The following STXBP4 variants were observed in gnomAD, a reference collection of about 807,000 sequenced individuals.
STXBP4 encodes syntaxin-binding protein 4.
STXBP4 carries 55 observed loss-of-function variants against 76.1 expected under a neutral mutation model. The ratio of observed to expected loss-of-function variants is 0.72; its 90% CI spans 0.58 to 0.91. STXBP4 has a LOEUF of 0.91. Ranked by LOEUF, STXBP4 falls within the 40% of genes least tolerant of loss-of-function variation. The pLI is 0.00. For missense variants in STXBP4, 618 were observed against 636.9 expected, an observed-to-expected ratio of 0.97 and a Z score of 0.32; for synonymous variants, 201 against 220.2, an observed-to-expected ratio of 0.91 and a Z score of 0.77.
chr17:54,969,644 A>G (rs964092428), intron 1 of STXBP4, among the ~76,000 whole-genome samples: 2 of 152,236 alleles, frequency 1.3e-5, no homozygotes, highest in African/African-American at 2.4e-5. Context: ...CTGTATTTCT[A>G]CTTGCTACGT....
intron 1 of STXBP4, among the ~76,000 whole-genome samples, chr17:54,983,015 T>A (rs1397987862): frequency 6.6e-6 from 1 of 152,240 alleles, no homozygotes; most frequent in Non-Finnish European, 1.5e-5. Context: ...ACAAGCCACA[T>A]ACTTTCTGTA....
intron 13 of STXBP4, among the ~76,000 whole-genome samples, chr17:55,075,783 G>T (rs951830458): frequency 6.6e-6 from 1 of 152,088 alleles, no homozygotes; most frequent in African/African-American, 2.4e-5. Context: ...ACAGTGATGT[G>T]CTGGGACCAA....
intron 1 of STXBP4, among the ~76,000 whole-genome samples, chr17:54,969,661 T>G (rs2077357648): frequency 1.3e-5 from 2 of 152,212 alleles, no homozygotes; most frequent in South Asian, 4.1e-4. Flanking sequence ...ACGTGGCCAT[T>G]TCTAATGGCC....
rs753157954 is a variant in STXBP4 at position 55,007,495 on chromosome 17, T to C, written c.575-11T>C. On this transcript the variant is annotated splice_polypyrimidine_tract_variant and intron_variant, in intron 7 of 17. Transcript: ENST00000376352. ...AAGTTCCCAATTAATGTGCACCCTG[T>C]TGTCTCTTAGATGTTGCTTCTGCCT... The C allele has an allele frequency of 2.5e-6, 4 of 1,601,914 alleles. No homozygotes were observed. In the South Asian group the frequency reaches 4.4e-5, roughly 18 times the overall value.
At chr17:55,008,765 G>A (rs1033506545) in intron 8 of STXBP4, among the ~76,000 whole-genome samples, 6 of 152,076 alleles carry the variant, frequency 3.9e-5, no homozygotes, top group Non-Finnish European at 7.4e-5. Flanking sequence ...GGTCCTCTCT[G>A]GAATGAGGGT....
intron 10 of STXBP4, among the ~76,000 whole-genome samples, chr17:55,041,220 T>G (rs2078693299): frequency 6.7e-6 from 1 of 150,346 alleles, no homozygotes; most frequent in South Asian, 2.1e-4. Flanking sequence ...TCTAAAATTT[T>G]ATTTAAACTT....
At chr17:55,088,830 C>A (rs997004111) in intron 16 of STXBP4, among the ~76,000 whole-genome samples, 1 of 152,166 alleles carries the variant, frequency 6.6e-6, no homozygotes, top group Non-Finnish European at 1.5e-5. Context: ...ACCTAGGACT[C>A]TCCCATGTAT....
chr17:55,157,954 AT>A (rs2080299784), intron 17 of STXBP4, among the ~76,000 whole-genome samples: 1 of 152,248 alleles, frequency 6.6e-6, no homozygotes, highest in South Asian at 2.1e-4. Context: ...TTGGAGACTC[AT>A]AGAGCACATT....
At chr17:55,036,086 T>A (rs1446126100) in intron 10 of STXBP4, among the ~76,000 whole-genome samples, 1 of 152,022 alleles carries the variant, frequency 6.6e-6, no homozygotes, top group Non-Finnish European at 1.5e-5. Flanking sequence ...AGTCGCCATG[T>A]TGTACAATAT....
chr17:55,129,993 A>G (rs1208484687), intron 16 of STXBP4, among the ~76,000 whole-genome samples: 1 of 152,170 alleles, frequency 6.6e-6, no homozygotes, highest in Admixed American at 6.5e-5. Flanking sequence ...AAATATGTAA[A>G]GGACTCTATG....
intron 15 of STXBP4, among the ~76,000 whole-genome samples, chr17:55,079,743 C>T (rs2079233464): frequency 6.6e-6 from 1 of 152,102 alleles, no homozygotes; most frequent in African/African-American, 2.4e-5. Flanking sequence ...TACCACTGCC[C>T]TCCAGCCTGG....
rs2079218855 is a variant in STXBP4, at chr17:55,078,669, A to G, written c.1306-17A>G. Reference sequence around the variant, plus strand: ...GTCAAACTGATATATCTCCTTCACCATCTTGTTTGTTGCTAGGCTATTCAA... The same window carrying G: ...GTCAAACTGATATATCTCCTTCACCGTCTTGTTTGTTGCTAGGCTATTCAA... On this transcript the variant is annotated splice_polypyrimidine_tract_variant and intron_variant, in intron 14 of 17. Coordinates refer to ENST00000376352, the MANE Select transcript of STXBP4 (RefSeq NM_178509.6). 6.0e-6 allele frequency: 9 copies of G among 1,495,312 alleles called. No individual in the cohort carries two copies. Among genetic ancestry groups the G allele is most frequent in the East Asian group, 4.5e-5 (2 of 44,116 alleles). 92.6% of individuals were successfully genotyped at this position (1,495,312 alleles called of 1,614,324 possible).
intron 8 of STXBP4, 115 bp from the exon 9 acceptor site, chr17:55,031,053 C>A (rs1291717992): frequency 2.7e-6 from 2 of 728,884 alleles, no homozygotes; most frequent in Admixed American, 2.6e-5. Flanking sequence ...GGTGTTTAAT[C>A]CTGGTCGACT....
At chr17:55,079,416 T>TC (rs1186720561) in intron 15 of STXBP4, among the ~76,000 whole-genome samples, 2 of 152,080 alleles carry the variant, frequency 1.3e-5, no homozygotes, top group Non-Finnish European at 2.9e-5. Flanking sequence ...CTGCCACTAG[T>TC]CCTAGATACA....
intron 8 of STXBP4, among the ~76,000 whole-genome samples, chr17:55,019,666 T>G (rs2078270809): frequency 6.6e-6 from 1 of 152,186 alleles, no homozygotes; most frequent in Non-Finnish European, 1.5e-5. Flanking sequence ...GTGGTCATTT[T>G]CCCTTTTCTC....
At position 55,159,837 on chromosome 17, in the gene STXBP4, A is replaced by G; in HGVS notation, c.1588A>G (p.Ser530Gly). Residue 530 changes from serine to glycine, a missense_variant, in exon 18 of 18, where the codon AGT (serine) becomes GGT (glycine). By Grantham distance (56) the Ser-to-Gly change is moderately conservative. Coordinates refer to ENST00000376352, the MANE Select transcript of STXBP4 (RefSeq NM_178509.6). ...TACATCCTGGATCCATCCCGTGATG[A>G]GTGTCCTGAATCTATCTCGCTCAGA... The part of the protein sequence containing the change: ...QTTSWIHPVM[S>G]VLNLSRSEEN... 5 of 1,613,862 alleles carry G rather than the reference A, an allele frequency of 3.1e-6. No individual in the cohort carries two copies. The highest frequency in any genetic ancestry group is 4.2e-6 in the Non-Finnish European group (5 of 1,179,820).
the STXBP4 span, among the ~76,000 whole-genome samples, chr17:55,187,766 C>T: frequency 6.6e-6 from 1 of 152,134 alleles, no homozygotes; most frequent in Non-Finnish European, 1.5e-5. Context: ...CTAGAGTTGT[C>T]GATCAGGGAT....
At chr17:54,985,102 T>C (rs192229261) in intron 1 of STXBP4, among the ~76,000 whole-genome samples, 1 of 152,344 alleles carries the variant, frequency 6.6e-6, no homozygotes, top group East Asian at 1.9e-4. Context: ...AGTTTAACTT[T>C]ATTAAGCTAT....
intron 12 of STXBP4, among the ~76,000 whole-genome samples, chr17:55,066,062 A>C (rs1221259208): frequency 6.6e-6 from 1 of 152,220 alleles, no homozygotes; most frequent in African/African-American, 2.4e-5. Context: ...CATCATTATT[A>C]CACACTTTAT....
Sources: gnomAD v4.1 joint callset for allele counts (sites outside exome capture counted in the v4.1 genomes callset) on GRCh38, gnomAD v4.1.1 for gene constraint, MANE v1.5 for transcripts, NCBI Gene and HGNC (gene_info 2026-07-23, HGNC 2026-07-21) for gene names.